SPATA6: variants seen among roughly 807,000 people sequenced by gnomAD.
The protein encoded by SPATA6 is spermatogenesis-associated protein 6.
In SPATA6, 56 loss-of-function variants were observed where a neutral mutation model predicts 65.3. The observed-to-expected ratio is 0.86, with a 90% CI of 0.69 to 1.07. The LOEUF (loss-of-function observed/expected upper bound fraction) is 1.07, where lower values mean the gene tolerates loss of function less well. Among genes scored for constraint, SPATA6 ranks in the 50% least tolerant of loss-of-function variants. The pLI, the probability that SPATA6 is intolerant of heterozygous loss-of-function variation, is 0.00. For missense variants in SPATA6, 590 were observed against 594.8 expected, an observed-to-expected ratio of 0.99 and a Z score of 0.08; for synonymous variants, 199 against 213.2, an observed-to-expected ratio of 0.93 and a Z score of 0.58.
intron 11 of SPATA6, among the ~76,000 whole-genome samples, chr1:48,315,962 C>T (rs78811889): frequency 0.017 from 2,592 of 152,090 alleles, 81 homozygotes; most frequent in African/African-American, 0.057. Flanking sequence ...TAAAATACTT[C>T]GAAACCAATT....
intron 8 of SPATA6, among the ~76,000 whole-genome samples, chr1:48,390,973 C>T (rs781241216): frequency 2.0e-5 from 3 of 152,092 alleles, no homozygotes; most frequent in Non-Finnish European, 4.4e-5. Flanking sequence ...ACTTCAAATG[C>T]TTTTCAAAAA....
At position 48,406,211 on chromosome 1, in the gene SPATA6, A is replaced by G. The variant is rs544123828; in HGVS notation, c.406-2329T>C. 5.9e-5 allele frequency among the ~76,000 whole-genome samples: 9 copies of G among 152,208 alleles called. No individual in the cohort carries two copies. In the South Asian group the frequency reaches 1.9e-3, roughly 32 times the overall value. On this transcript the variant is annotated intron_variant, in intron 5 of 12. Coordinates refer to ENST00000371847, the MANE Select transcript of SPATA6 (RefSeq NM_019073.4). ...AACTGCACTCCAGCCTGGGTGACAA[A>G]GAAAGACCCTGTCTCAAAAACAAAA...
At chr1:48,373,610 A>T (rs11205480) in intron 9 of SPATA6, among the ~76,000 whole-genome samples, 21,728 of 152,142 alleles carry the variant, frequency 0.14, 1,762 homozygotes, top group African/African-American at 0.21. Context: ...TTACTGTATT[A>T]ATCTGTTTTC....
intron 3 of SPATA6, among the ~76,000 whole-genome samples, chr1:48,425,924 AAAAC>A (rs1176320195): frequency 6.6e-6 from 1 of 152,136 alleles, no homozygotes; most frequent in East Asian, 1.9e-4. Context: ...AAATGAAAAA[AAAAC>A]AAGCAGTAGG....
At chr1:48,384,658 T>C (rs1038625156) in intron 9 of SPATA6, among the ~76,000 whole-genome samples, 3 of 152,156 alleles carry the variant, frequency 2.0e-5, no homozygotes, top group Admixed American at 2.0e-4. Flanking sequence ...ATATTTTCAA[T>C]TCTCTTTCAA....
the SPATA6 span, among the ~76,000 whole-genome samples, chr1:48,269,504 G>C: frequency 6.6e-6 from 1 of 152,048 alleles, no homozygotes; most frequent in Non-Finnish European, 1.5e-5. Flanking sequence ...TACAAATACT[G>C]TTTACCAGAT....
At chr1:48,314,833 A>C (rs929199926) in intron 11 of SPATA6, among the ~76,000 whole-genome samples, 3 of 151,830 alleles carry the variant, frequency 2.0e-5, no homozygotes, top group African/African-American at 7.3e-5. Flanking sequence ...GAATCAAATA[A>C]ACGCAATAAA....
At chr1:48,442,774 G>A (rs1025713897) in intron 3 of SPATA6, among the ~76,000 whole-genome samples, 1 of 147,824 alleles carries the variant, frequency 6.8e-6, no homozygotes, top group Non-Finnish European at 1.5e-5. Context: ...TAAAAGCCAG[G>A]GTAAATTTAA....
chr1:48,346,956 T>C (rs914468544), intron 11 of SPATA6, among the ~76,000 whole-genome samples: 6 of 151,812 alleles, frequency 4.0e-5, no homozygotes, highest in Non-Finnish European at 7.4e-5. Context: ...TTCACAGAAA[T>C]AGAAAAAATT....
the SPATA6 span, among the ~76,000 whole-genome samples, chr1:48,278,796 G>A: frequency 6.6e-6 from 1 of 152,188 alleles, no homozygotes; most frequent in South Asian, 2.1e-4. Flanking sequence ...AATCTAGCAA[G>A]GGAGGCCAAC....
the SPATA6 span, among the ~76,000 whole-genome samples, chr1:48,272,642 A>G: frequency 6.6e-6 from 1 of 152,196 alleles, no homozygotes; most frequent in African/African-American, 2.4e-5. Context: ...TGTAATGAAC[A>G]TAGTAATATA....
At chr1:48,289,325 G>T in the SPATA6 span, among the ~76,000 whole-genome samples, 1 of 150,714 alleles carries the variant, frequency 6.6e-6, no homozygotes, top group Non-Finnish European at 1.5e-5. Flanking sequence ...AAGGACATCT[G>T]CACCAAAACC....
intron 11 of SPATA6, among the ~76,000 whole-genome samples, chr1:48,315,676 G>C (rs1476051369): frequency 6.6e-6 from 1 of 152,148 alleles, no homozygotes; most frequent in Non-Finnish European, 1.5e-5. Flanking sequence ...CATAGTGTTG[G>C]AAGTTCTGGC....
At chr1:48,382,225 C>CCTCCCAGA (rs1193461861) in intron 9 of SPATA6, among the ~76,000 whole-genome samples, 5 of 112,794 alleles carry the variant, frequency 4.4e-5, no homozygotes, top group Non-Finnish European at 9.1e-5. Context: ...GCTGGGCACA[C>CCTCCCAGA]CTCCCAGACG....
At chr1:48,455,392 T>C (rs901980573) in intron 1 of SPATA6, among the ~76,000 whole-genome samples, 1 of 152,016 alleles carries the variant, frequency 6.6e-6, no homozygotes, top group Non-Finnish European at 1.5e-5. Context: ...TTTTTTTTTT[T>C]TTTTGAGACA....
At chr1:48,444,268 C>T (rs1655797502) in intron 3 of SPATA6, among the ~76,000 whole-genome samples, 1 of 151,804 alleles carries the variant, frequency 6.6e-6, no homozygotes, top group African/African-American at 2.4e-5. Flanking sequence ...TAAAAACACA[C>T]CAATCAGCAC....
intron 11 of SPATA6, among the ~76,000 whole-genome samples, chr1:48,332,820 T>C (rs562739855): frequency 2.0e-5 from 3 of 152,268 alleles, no homozygotes; most frequent in South Asian, 4.1e-4. Context: ...AGCCATGCAA[T>C]AAGACATAAG....
intron 3 of SPATA6, among the ~76,000 whole-genome samples, chr1:48,418,683 C>T (rs1020512344): frequency 2.7e-5 from 4 of 150,750 alleles, no homozygotes; most frequent in African/African-American, 4.9e-5. Flanking sequence ...GAGACTGCCA[C>T]CGCACTCCAG....
downstream of SPATA6, among the ~76,000 whole-genome samples, chr1:48,291,942 G>A (rs922323479): frequency 6.6e-6 from 1 of 152,146 alleles, no homozygotes; most frequent in Non-Finnish European, 1.5e-5. Context: ...TGTTGAAGTT[G>A]TCATTTTGTC....
Sources: allele counts gnomAD v4.1 joint callset (sites outside exome capture counted in the v4.1 genomes callset), GRCh38; gene constraint gnomAD v4.1.1; transcripts MANE v1.5; gene names NCBI Gene and HGNC (gene_info 2026-07-23, HGNC 2026-07-21).